The following KRI1 variants were observed in gnomAD, a reference collection of about 807,000 sequenced individuals.
KRI1 encodes KRI1 homolog.
KRI1 carries 83 observed loss-of-function variants against 97.0 expected under a neutral mutation model. That is an observed-to-expected ratio of 0.86 (90% confidence interval 0.72 to 1.03). KRI1 has a LOEUF of 1.03. Among genes scored for constraint, KRI1 ranks in the 50% least tolerant of loss-of-function variants. The pLI, the probability that KRI1 is intolerant of heterozygous loss-of-function variation, is 0.00. For missense variants in KRI1, 916 were observed against 928.4 expected, an observed-to-expected ratio of 0.99 and a Z score of 0.17; for synonymous variants, 371 against 363.5, an observed-to-expected ratio of 1.02 and a Z score of -0.23.
chr19:10,555,030 C>G (rs1402924952), intron 18 of KRI1, 57 bp downstream of exon 18: 1 of 1,430,334 alleles, frequency 7.0e-7, no homozygotes, highest in Non-Finnish European at 9.8e-7. Context: ...GGAGCCAAGA[C>G]TCAAGCCTGG....
intron 12 of KRI1, 97 bp from the exon 13 acceptor site, chr19:10,558,336 C>T (rs969577849): frequency 6.1e-6 from 7 of 1,147,988 alleles, no homozygotes; most frequent in Non-Finnish European, 9.1e-6. Flanking sequence ...GGCAACTTTA[C>T]TCCTACAGCT....
rs374028807 is a variant in KRI1 at position 10,561,235 on chromosome 19, G to A, written c.519C>T (p.Asp173=). The A allele has an allele frequency of 1.9e-5, 30 of 1,614,058 alleles. No homozygotes were observed. The highest frequency in any genetic ancestry group is 1.5e-4 in the Admixed American group (9 of 59,988). The part of the protein sequence containing the change: ...SFRAFVEDSE[D]EDGAGEGGSS... ...AGCCGCCCTCCCCAGCGCCGTCCTCGTCCTCACTGTCCTCCACAAATGCCC... is the reference window on the plus strand; with the variant it reads ...AGCCGCCCTCCCCAGCGCCGTCCTCATCCTCACTGTCCTCCACAAATGCCC... The change falls in exon 7 of 19, where the codon GAC becomes GAT. Residue 173 remains aspartate (D), a synonymous_variant. Transcript: ENST00000312962.
intron 3 of KRI1, among the ~76,000 whole-genome samples, chr19:10,563,935 GGAGTTC>G (rs1177425004): frequency 9.2e-5 from 14 of 151,896 alleles, no homozygotes; most frequent in Non-Finnish European, 1.9e-4. Context: ...CCTGAGGTCA[GGAGTTC>G]GAGACCAGCC....
At chr19:10,559,579 G>T (rs762244246) in intron 11 of KRI1, 34 bp downstream of exon 11, 1 of 1,612,748 alleles carries the variant, frequency 6.2e-7, no homozygotes, top group African/African-American at 1.3e-5. Flanking sequence ...CTCCAGGGCT[G>T]GGGGGTCCTC....
Position 10,553,888 on chromosome 19 carries a change from C to G in KRI1, c.*63G>C. 3 of 1,333,414 alleles carry G rather than the reference C, an allele frequency of 2.2e-6. No individual in the cohort carries two copies. The highest frequency in any genetic ancestry group is 3.0e-6 in the Non-Finnish European group (3 of 991,908). The allele number at this position is 1,333,414 out of a possible 1,614,324, so 82.6% of individuals were successfully genotyped here. On this transcript the variant is annotated 3_prime_UTR_variant, in exon 19 of 19. Coordinates refer to ENST00000312962, the MANE Select transcript of KRI1 (RefSeq NM_023008.5). ...CTGCAGCAGATAGTACTTGTGGGTG[C>G]GAGACCTGTCCAGGGCTTGATTTGA...
At chr19:10,556,038 G>A (rs1330845126) in intron 16 of KRI1, among the ~76,000 whole-genome samples, 4 of 152,162 alleles carry the variant, frequency 2.6e-5, no homozygotes. Flanking sequence ...AGCCAAGCCA[G>A]GGCTTGAACC....
At chr19:10,559,753 G>C (rs776495703) in intron 10 of KRI1, 45 bp from the exon 11 acceptor site, 23 of 1,613,888 alleles carry the variant, frequency 1.4e-5, no homozygotes, top group Admixed American at 8.3e-5. Flanking sequence ...GAGATGATGT[G>C]GGGTTCCCTG....
intron 8 of KRI1, 109 bp downstream of exon 8, chr19:10,560,894 G>A (rs1916670894): frequency 4.9e-6 from 4 of 821,472 alleles, no homozygotes; most frequent in Non-Finnish European, 8.1e-6. Flanking sequence ...TAGGAGCTGA[G>A]GCCCAGAGAT....
At chr19:10,556,965 G>C (rs112305679) in intron 16 of KRI1, among the ~76,000 whole-genome samples, 45,521 of 151,850 alleles carry the variant, frequency 0.3, 7,578 homozygotes, top group African/African-American at 0.43. Flanking sequence ...CTGGGTGACA[G>C]AGCGAGACTA....
Position 10,559,815 on chromosome 19 carries a change from C to A in KRI1, c.922G>T (p.Ala308Ser). The change falls in exon 10 of 19, where the codon GCA becomes TCA. Residue 308 changes from alanine to serine, a missense_variant. Physicochemically the swap from Ala to Ser is moderately conservative, Grantham distance 99. Coordinates refer to ENST00000312962, the MANE Select transcript of KRI1 (RefSeq NM_023008.5). ...CCCCAGCCCCAGCCACACACCGATG[C>A]TGAGTCCGGCTCCTCGAAACGGAAA... ...YNFRFEEPDS[A>S]SVKTYPRSIA... is the part of the protein sequence containing the mutation. 6.2e-7 allele frequency: 1 copy of A among 1,613,916 alleles called. No homozygotes were observed. The highest frequency in any genetic ancestry group is 8.5e-7 in the Non-Finnish European group (1 of 1,179,994).
rs967147967 is a variant in KRI1 at position 10,555,147 on chromosome 19, C to T, written c.1721G>A (p.Ser574Asn). The T allele has an allele frequency of 1.9e-6, 3 of 1,614,102 alleles. No individual in the cohort carries two copies. The African/African-American group carries it at 4.0e-5, about 22-fold the overall frequency. The change falls in exon 18 of 19, where the codon AGC (serine) becomes AAC (asparagine). Residue 574 changes from serine to asparagine, a missense_variant. Around this residue, in one of 3 missense-constraint regions of KRI1, gnomAD observed 672 missense variants for 667.2 expected, o/e 1.01. Coordinates refer to ENST00000312962, the MANE Select transcript of KRI1 (RefSeq NM_023008.5). ...QEELRDKRAYSQKAQNSWKKR... is the reference protein window; with the variant it reads ...QEELRDKRAYNQKAQNSWKKR... ...TTTCCATGAGTTCTGGGCCTTCTGG[C>T]TGTACGCCCGCTTGTCCCGCAGCTC...
At position 10,558,195 on chromosome 19, in the gene KRI1, C is replaced by T. The variant is rs1916578974; in HGVS notation, c.1239G>A (p.Lys413=). ...DEYYGAVEEE[K]PQFEEEEGLE... ...GCCCTTCTTCTTCCTCAAATTGTGG[C>T]TTCTCCTCCTCCACGGCCCCGTAGT... Residue 413 remains lysine (K), a synonymous_variant, in exon 13 of 19, where the codon AAG becomes AAA. Transcript: ENST00000312962. 1 of 1,614,008 alleles carries T rather than the reference C, an allele frequency of 6.2e-7. No homozygotes were observed. The highest frequency in any genetic ancestry group is 8.5e-7 in the Non-Finnish European group (1 of 1,180,030).
intron 1 of KRI1, 29 bp from the exon 2 acceptor site, chr19:10,565,819 C>CCCG (rs773049401): frequency 3.9e-6 from 6 of 1,550,732 alleles, no homozygotes; most frequent in Middle Eastern, 1.7e-4. Flanking sequence ...ATGCCCCCCC[C>CCCG]CAGGTCAGCC....
Position 10,553,734 on chromosome 19 carries a change from T to C in KRI1, c.*217A>G. ...GGGACTACAGGCATGTGTCACCACA[T>C]TTTGTAGAGATGGAGTCTCGCTAAG... On this transcript the variant is annotated 3_prime_UTR_variant, in exon 19 of 19. Coordinates refer to ENST00000312962, the MANE Select transcript of KRI1 (RefSeq NM_023008.5). 1.9e-6 allele frequency: 1 copy of C among 530,130 alleles called. No homozygotes were observed. The highest frequency in any genetic ancestry group is 3.3e-6 in the Non-Finnish European group (1 of 301,164). 32.8% of individuals were successfully genotyped at this position (530,130 alleles called of 1,614,324 possible). A position where few individuals can be genotyped will look rare whatever the true frequency, so the allele number is the denominator to read the frequency against.
At position 10,561,706 on chromosome 19, in the gene KRI1, G is replaced by A. The variant is rs772688550; in HGVS notation, c.449C>T (p.Ser150Leu). The change falls in exon 6 of 19, where the codon TCG (serine) becomes TTG (leucine). Residue 150 changes from serine to leucine, a missense_variant. By Grantham distance (145) the Ser-to-Leu change is moderately radical (BLOSUM62 -2). Around this residue, in one of 3 missense-constraint regions of KRI1, gnomAD observed 71 missense variants for 108.1 expected, o/e 0.66. Transcript: ENST00000312962. ...TTTCTGTTCCTCCACATAACTTTGC[G>A]ACGATGTCTCCTGCAGAGAGGGCCA... ...TSNHRLQETS[S>L]QSYVEEQKQL... The A allele has an allele frequency of 6.2e-5, 100 of 1,613,784 alleles. No homozygotes were observed. In the Middle Eastern group the frequency reaches 9.9e-4, roughly 16 times the overall value.
Position 10,553,855 on chromosome 19 carries a change from G to A in KRI1, c.*96C>T. 9.4e-7 allele frequency: 1 copy of A among 1,064,894 alleles called. No individual in the cohort carries two copies. The highest frequency in any genetic ancestry group is 1.3e-6 in the Non-Finnish European group (1 of 762,804). 66.0% of individuals were successfully genotyped at this position (1,064,894 alleles called of 1,614,324 possible). A position where few individuals can be genotyped will look rare whatever the true frequency, so the allele number is the denominator to read the frequency against. On this transcript the variant is annotated 3_prime_UTR_variant, in exon 19 of 19. Transcript: ENST00000312962. ...TACAGGCGTGCCTGGCCACAGATGA[G>A]AGGATCTCTGCAGCAGATAGTACTT...
intron 16 of KRI1, among the ~76,000 whole-genome samples, chr19:10,557,271 A>AT (rs1281952452): frequency 6.6e-6 from 1 of 151,518 alleles, no homozygotes. Flanking sequence ...TGCCTGGCTA[A>AT]TTTTTTTGTA....
Position 10,565,944 on chromosome 19 carries a change from C to T in KRI1, c.56G>A (p.Arg19Gln). 1 of 1,530,936 alleles carries T rather than the reference C, an allele frequency of 6.5e-7. No homozygotes were observed. The highest frequency in any genetic ancestry group is 1.2e-5 in the South Asian group (1 of 82,744). The allele number at this position is 1,530,936 out of a possible 1,614,324, so 94.8% of individuals were successfully genotyped here. A position where few individuals can be genotyped will look rare whatever the true frequency, so the allele number is the denominator to read the frequency against. The part of the protein sequence containing the change: ...QLRVNAAFAA[R>Q]YNRYREREEL... ...CTCGCGCTCCCGGTAGCGGTTGTAC[C>T]GCGCGGCAAACGCCGCGTTCACCCG... Residue 19 changes from arginine to glutamine, a missense_variant, in exon 1 of 19, where the codon CGG (arginine) becomes CAG (glutamine). By Grantham distance (43) the Arg-to-Gln change is conservative. This residue lies in a region of KRI1 where 173 missense variants were observed against 153.1 expected (regional missense o/e 1.13). Transcript: ENST00000312962.
chr19:10,559,416 G>C lies in KRI1; in HGVS notation c.1137C>G (p.Leu379=), dbSNP rs773154370. 1.2e-6 allele frequency: 2 copies of C among 1,614,026 alleles called. No homozygotes were observed. Among genetic ancestry groups the C allele is most frequent in the Non-Finnish European group, 1.7e-6 (2 of 1,179,982 alleles). ...RKVTGNEMLG[L]EEGDLEDDFD... ...AGTCGTCTTCAAGGTCCCCCTCCTC[G>C]AGGCCCAGCATCTCGTTGCCTGTTA... The change falls in exon 12 of 19, where the codon CTC becomes CTG. Residue 379 remains leucine (L), a synonymous_variant. Transcript: ENST00000312962.
Sources: gnomAD v4.1 joint callset for allele counts (sites outside exome capture counted in the v4.1 genomes callset) on GRCh38, gnomAD v4.1.1 for gene constraint, gnomAD v4.1.1 regional missense constraint, MANE v1.5 for transcripts, NCBI Gene and HGNC (gene_info 2026-07-23, HGNC 2026-07-21) for gene names.